PDE3A: variants seen among roughly 807,000 people sequenced by gnomAD.
PDE3A encodes the protein cGMP-inhibited 3',5'-cyclic phosphodiesterase 3A.
Under a neutral mutation model 98.3 loss-of-function variants are expected in PDE3A, and 43 were observed. The ratio of observed to expected loss-of-function variants is 0.44; its 90% confidence interval spans 0.34 to 0.56. The LOEUF is 0.56. PDE3A is among the 20% of genes least tolerant of loss of function. The pLI, the probability that PDE3A is intolerant of heterozygous loss-of-function variation, is 0.01. For missense variants in PDE3A, 1,427 were observed against 1,440.7 expected, an observed-to-expected ratio of 0.99 and a Z score of 0.15; for synonymous variants, 663 against 567.9, an observed-to-expected ratio of 1.17 and a Z score of -2.38.
intron 1 of PDE3A, among the ~76,000 whole-genome samples, chr12:20,451,888 C>T (rs1945071704): frequency 6.6e-6 from 1 of 152,104 alleles, no homozygotes; most frequent in African/African-American, 2.4e-5. Context: ...GTGTTTCATC[C>T]TTTCATCTTG....
intron 1 of PDE3A, among the ~76,000 whole-genome samples, chr12:20,432,491 G>T (rs1944714090): frequency 6.6e-6 from 1 of 152,094 alleles, no homozygotes; most frequent in Admixed American, 6.5e-5. Context: ...ACTTCTGGAG[G>T]TGATGGATAG....
At chr12:20,448,155 A>G (rs1321404893) in intron 1 of PDE3A, among the ~76,000 whole-genome samples, 1 of 152,174 alleles carries the variant, frequency 6.6e-6, no homozygotes, top group Non-Finnish European at 1.5e-5. Context: ...TGTCCATTCT[A>G]GAAGAGGTGG....
intron 1 of PDE3A, among the ~76,000 whole-genome samples, chr12:20,438,134 A>G (rs1944810112): frequency 6.6e-6 from 1 of 152,054 alleles, no homozygotes; most frequent in Non-Finnish European, 1.5e-5. Flanking sequence ...TCTTGGATGT[A>G]GAGTGTTGCT....
At chr12:20,651,833 A>G (rs893689815) in intron 14 of PDE3A, among the ~76,000 whole-genome samples, 14 of 152,300 alleles carry the variant, frequency 9.2e-5, no homozygotes, top group African/African-American at 3.4e-4. Flanking sequence ...TTTGTTACAT[A>G]TATATACATG....
At position 20,688,141 on chromosome 12, in the gene PDE3A, T is replaced by C. The variant is rs1295339178; in HGVS notation, c.*7870T>C. On this transcript the variant is annotated 3_prime_UTR_variant, in exon 16 of 16. Coordinates refer to ENST00000359062, the MANE Select transcript of PDE3A (RefSeq NM_000921.5). ...TAATTCTTACCACTCTCGACAGACCTGAATATGTTTACTAATAACTTTGCC... is the reference window on the plus strand; with the variant it reads ...TAATTCTTACCACTCTCGACAGACCCGAATATGTTTACTAATAACTTTGCC... Among the ~76,000 whole-genome samples, 1 of 151,952 alleles carries C rather than the reference T, an allele frequency of 6.6e-6. No individual in the cohort carries two copies. Among genetic ancestry groups the C allele is most frequent in the Non-Finnish European group, 1.5e-5 (1 of 67,908 alleles).
chr12:20,632,836 CA>C (rs1476358100), intron 6 of PDE3A, among the ~76,000 whole-genome samples: 1 of 151,558 alleles, frequency 6.6e-6, no homozygotes. Flanking sequence ...TATTTTTTAG[CA>C]AAACATAAAA....
At chr12:20,637,295 C>G in intron 9 of PDE3A, 58 bp downstream of exon 9, 1 of 1,317,122 alleles carries the variant, frequency 7.6e-7, no homozygotes, top group East Asian at 2.4e-5. Context: ...TCCTTTGTTG[C>G]TTAAAGCTCT....
intron 1 of PDE3A, among the ~76,000 whole-genome samples, chr12:20,425,019 T>C (rs751184877): frequency 6.6e-6 from 1 of 152,212 alleles, no homozygotes; most frequent in African/African-American, 2.4e-5. Flanking sequence ...CTTAGGCAAA[T>C]ATGACAGTCT....
intron 1 of PDE3A, among the ~76,000 whole-genome samples, chr12:20,482,564 T>TA (rs760568319): frequency 3.9e-5 from 6 of 152,212 alleles, no homozygotes; most frequent in African/African-American, 1.4e-4. Context: ...CACATTAAAA[T>TA]AAAAGTTTTT....
intron 2 of PDE3A, among the ~76,000 whole-genome samples, chr12:20,560,790 G>C (rs2121283364): frequency 6.6e-6 from 1 of 152,250 alleles, no homozygotes. Flanking sequence ...GTTCAGGGAA[G>C]GGAATGTGCT....
At chr12:20,634,824 A>C in intron 7 of PDE3A, 78 bp from the exon 8 acceptor site, 1 of 971,882 alleles carries the variant, frequency 1.0e-6, no homozygotes, top group South Asian at 1.3e-5. Flanking sequence ...TACCATATGC[A>C]TCTTAGCAAA....
At chr12:20,404,835 T>TTG (rs1555142697) in intron 1 of PDE3A, among the ~76,000 whole-genome samples, 1 of 148,036 alleles carries the variant, frequency 6.8e-6, no homozygotes, top group African/African-American at 2.5e-5. Flanking sequence ...AGTTTTTTTT[T>TTG]TTTTTTTTTT....
At chr12:20,659,759 T>C (rs1001916436) in intron 15 of PDE3A, among the ~76,000 whole-genome samples, 1 of 152,220 alleles carries the variant, frequency 6.6e-6, no homozygotes, top group Admixed American at 6.5e-5. Flanking sequence ...AACTCTTTAA[T>C]GCAGTCTCAA....
At chr12:20,669,754 T>C (rs1270609588) in intron 15 of PDE3A, among the ~76,000 whole-genome samples, 1 of 151,746 alleles carries the variant, frequency 6.6e-6, no homozygotes, top group African/African-American at 2.4e-5. Flanking sequence ...CATGCCAAGA[T>C]GTAAAGACCA....
chr12:20,512,618 A>G (rs958122464), intron 1 of PDE3A, among the ~76,000 whole-genome samples: 7 of 152,124 alleles, frequency 4.6e-5, no homozygotes, highest in African/African-American at 1.4e-4. Flanking sequence ...TAATTACACA[A>G]TGGAATATCT....
At chr12:20,627,949 G>C (rs1944304173) in intron 5 of PDE3A, among the ~76,000 whole-genome samples, 1 of 152,050 alleles carries the variant, frequency 6.6e-6, no homozygotes, top group Admixed American at 6.6e-5. Context: ...TCCAAAAAGT[G>C]GTCAAAACTA....
chr12:20,531,181 C>A (rs890269395), intron 1 of PDE3A, among the ~76,000 whole-genome samples: 4 of 152,126 alleles, frequency 2.6e-5, no homozygotes, highest in East Asian at 1.9e-4. Flanking sequence ...ATTCTACTAA[C>A]CTCAGCAAAA....
intron 15 of PDE3A, among the ~76,000 whole-genome samples, chr12:20,663,351 G>T (rs1434764281): frequency 6.6e-6 from 1 of 152,196 alleles, no homozygotes; most frequent in African/African-American, 2.4e-5. Flanking sequence ...GAGGGCCATT[G>T]TCCTCCAGAC....
rs540921369 is a variant in PDE3A at position 20,456,047 on chromosome 12, T to TA, written c.960+85808dup. On this transcript the variant is annotated intron_variant, in intron 1 of 15. Coordinates refer to ENST00000359062, the MANE Select transcript of PDE3A (RefSeq NM_000921.5). ...AAAATGTTAAATGTTATGAAATGAC[T>TA]AAAAATGAACTGTCCATTTTAATAT... 2.7e-3 allele frequency among the ~76,000 whole-genome samples: 413 copies of TA among 152,292 alleles called. 2 individuals are homozygous for TA. The highest frequency in any genetic ancestry group is 4.8e-3 in the Non-Finnish European group (326 of 68,012).
Sources: allele counts gnomAD v4.1 joint callset (sites outside exome capture counted in the v4.1 genomes callset), GRCh38; gene constraint gnomAD v4.1.1; transcripts MANE v1.5; gene names NCBI Gene and HGNC (gene_info 2026-07-23, HGNC 2026-07-21).